Variants in ARID5B observed in about 807,000 individuals in gnomAD.
The protein encoded by ARID5B is AT-rich interaction domain 5B.
Under a neutral mutation model 97.2 loss-of-function variants are expected in ARID5B, and 13 were observed. The observed-to-expected ratio is 0.13, with a 90% CI of 0.09 to 0.21. The LOEUF (loss-of-function observed/expected upper bound fraction) is 0.21. Ranked by LOEUF, ARID5B falls within the 10% of genes least tolerant of loss-of-function variation. The pLI, the probability that ARID5B is intolerant of heterozygous loss-of-function variation, is 1.00. For synonymous variants in ARID5B, 556 were observed against 570.3 expected (o/e 0.97, Z 0.36); for missense variants, 1,210 against 1,465.3 (o/e 0.83, Z 2.84).
chr10:62,032,698 G>A (rs1839512828), intron 4 of ARID5B, among the ~76,000 whole-genome samples: 1 of 152,200 alleles, frequency 6.6e-6, no homozygotes, highest in Admixed American at 6.5e-5. Flanking sequence ...CTGGGTGACA[G>A]AGCAAGACTC....
Position 61,903,984 on chromosome 10 carries a change from CTG to C in ARID5B, c.276+1574_276+1575del, listed in dbSNP as rs1227746026. On this transcript the variant is annotated intron_variant, in intron 2 of 9. Transcript: ENST00000279873. ...TTTAAAAAGGTGTTGTTTGGAAATA[CTG>C]TGAAAAATCCTGCAACCTACCAACA... Among the ~76,000 whole-genome samples, 34 of 149,880 alleles carry C rather than the reference CTG, an allele frequency of 2.3e-4. No individual in the cohort carries two copies. In the Admixed American group the frequency reaches 2.3e-3, roughly 10 times the overall value.
rs200917027 is a variant in ARID5B, at chr10:62,069,744, C to T, written c.1146C>T (p.Gly382=). The change falls in exon 8 of 10, where the codon GGC becomes GGT. Residue 382 remains glycine, a synonymous_variant. Transcript: ENST00000279873. The stretch of plus-strand genomic sequence containing the variant: ...GGAAACATATTTATGATGAATTAGG[C>T]GGTAATCCTGGGAGCACCAGCGCTG... ...RQWKHIYDEL[G]GNPGSTSAAT... The T allele has an allele frequency of 9.2e-5, 148 of 1,614,036 alleles. 1 individual carries two copies. In the East Asian group the frequency reaches 2.9e-3, roughly 31 times the overall value.
chr10:62,054,727 A>G (rs747183884), intron 5 of ARID5B, among the ~76,000 whole-genome samples: 3 of 152,168 alleles, frequency 2.0e-5, no homozygotes, highest in Non-Finnish European at 2.9e-5. Context: ...ACCTAATAAT[A>G]TAGGTAGTTG....
intron 2 of ARID5B, among the ~76,000 whole-genome samples, chr10:61,928,129 C>A (rs898525857): frequency 1.3e-5 from 2 of 152,124 alleles, no homozygotes; most frequent in African/African-American, 4.8e-5. Context: ...GTAGAAGGGT[C>A]TTCTCTATTC....
Position 62,091,878 on chromosome 10 carries a change from A to C in ARID5B, c.2415A>C (p.Glu805Asp). ...PLADSYVLKQ[E>D]IQEGKDKLLE... ...CTGACTCCTACGTCCTGAAGCAAGA[A>C]ATTCAGGAGGGCAAGGATAAACTCT... Residue 805 changes from glutamate (E) to aspartate (D), a missense_variant, in exon 10 of 10, where the codon GAA becomes GAC. This residue lies in a region of ARID5B where 800 missense variants were observed against 839.1 expected (regional missense o/e 0.95). Coordinates refer to ENST00000279873, the MANE Select transcript of ARID5B (RefSeq NM_032199.3). 1 of 1,614,058 alleles carries C rather than the reference A, an allele frequency of 6.2e-7. No homozygotes were observed.
At chr10:61,977,974 A>T (rs1471849608) in intron 3 of ARID5B, among the ~76,000 whole-genome samples, 1 of 152,138 alleles carries the variant, frequency 6.6e-6, no homozygotes, top group Non-Finnish European at 1.5e-5. Flanking sequence ...GTTTTCTTCT[A>T]GGGTTTTTAT....
At chr10:61,906,009 A>G (rs1843701469) in intron 2 of ARID5B, among the ~76,000 whole-genome samples, 1 of 152,152 alleles carries the variant, frequency 6.6e-6, no homozygotes, top group East Asian at 1.9e-4. Flanking sequence ...GCAGCTTGCT[A>G]TTTGCTTAAT....
At chr10:61,937,295 AT>A (rs1243034019) in intron 2 of ARID5B, among the ~76,000 whole-genome samples, 1 of 151,902 alleles carries the variant, frequency 6.6e-6, no homozygotes, top group African/African-American at 2.4e-5. Flanking sequence ...AGGTCTGGGT[AT>A]TTTTGCCTAA....
rs979723324 is a variant in ARID5B at position 62,094,782 on chromosome 10, G to A, written c.*1752G>A. 1.7e-5 allele frequency: 4 copies of A among 231,522 alleles called. No individual in the cohort carries two copies. The highest frequency in any genetic ancestry group is 6.1e-5 in the East Asian group (1 of 16,378). The allele number at this position is 231,522 out of a possible 1,614,324, so 14.3% of individuals were successfully genotyped here. A position where few individuals can be genotyped will look rare whatever the true frequency, so the allele number is the denominator to read the frequency against. On this transcript the variant is annotated 3_prime_UTR_variant, in exon 10 of 10. Transcript: ENST00000279873. The stretch of plus-strand genomic sequence containing the variant: ...CTCCCCAACCCACTGTGCCCCTCCC[G>A]CAACACTACCAGTAGACTTTAGAAC...
chr10:61,914,553 G>T (rs10509164), intron 2 of ARID5B, among the ~76,000 whole-genome samples: 11 of 152,072 alleles, frequency 7.2e-5, no homozygotes, highest in Non-Finnish European at 1.6e-4. Context: ...CCGAATTCAC[G>T]CTTCCTTCTA....
chr10:61,988,998 C>T (rs1185535711), intron 3 of ARID5B, among the ~76,000 whole-genome samples: 3 of 136,556 alleles, frequency 2.2e-5, no homozygotes, highest in African/African-American at 8.3e-5. Flanking sequence ...GGTGCAATCT[C>T]GGCTCACCGC....
intron 7 of ARID5B, among the ~76,000 whole-genome samples, chr10:62,065,777 C>A (rs972840648): frequency 7.1e-6 from 1 of 141,610 alleles, no homozygotes; most frequent in Non-Finnish European, 1.5e-5. Context: ...ACCTGGAAGG[C>A]GGAGCTTGTA....
intron 2 of ARID5B, among the ~76,000 whole-genome samples, chr10:61,935,205 A>G (rs892520820): frequency 2.0e-4 from 30 of 152,264 alleles, no homozygotes; most frequent in Admixed American, 4.6e-4. Context: ...AAAATGCAAT[A>G]TCTGTGAAGT....
intron 2 of ARID5B, among the ~76,000 whole-genome samples, chr10:61,915,601 C>A (rs1294594050): frequency 1.3e-5 from 2 of 152,100 alleles, no homozygotes; most frequent in Non-Finnish European, 2.9e-5. Context: ...CTGGAGGGAC[C>A]AGTTGGTCTA....
chr10:61,936,197 C>G (rs1844296475), intron 2 of ARID5B, among the ~76,000 whole-genome samples: 2 of 152,118 alleles, frequency 1.3e-5, no homozygotes, highest in South Asian at 4.1e-4. Context: ...TTACTTAATG[C>G]CTATGTTCAA....
intron 2 of ARID5B, among the ~76,000 whole-genome samples, chr10:61,931,464 T>C (rs372718870): frequency 8.5e-5 from 13 of 152,122 alleles, no homozygotes; most frequent in Non-Finnish European, 1.5e-4. Flanking sequence ...TTCATAGATA[T>C]AATGGCAAGC....
At chr10:62,046,008 C>G (rs907169903) in intron 4 of ARID5B, among the ~76,000 whole-genome samples, 17 of 152,160 alleles carry the variant, frequency 1.1e-4, no homozygotes, top group Non-Finnish European at 2.2e-4. Context: ...TCCCCTGATT[C>G]CAGTCCCTAC....
At position 61,919,046 on chromosome 10, in the gene ARID5B, C is replaced by G. The variant is rs866649875; in HGVS notation, c.276+16633C>G. 3.1e-4 allele frequency among the ~76,000 whole-genome samples: 38 copies of G among 124,456 alleles called. 2 individuals are homozygous for G. The highest frequency in any genetic ancestry group is 9.8e-4 in the African/African-American group (33 of 33,716). The allele number at this position is 124,456 out of a possible 152,430, so 81.6% of individuals were successfully genotyped here. ...CAGAGCCTGACTCCGTCCCCCCCCCCCCCCCCAAAAAAATAAAAGGTGCGT... is the reference window on the plus strand; with the variant it reads ...CAGAGCCTGACTCCGTCCCCCCCCCGCCCCCCAAAAAAATAAAAGGTGCGT... On this transcript the variant is annotated intron_variant, in intron 2 of 9. Transcript: ENST00000279873.
At chr10:61,907,962 T>G (rs58115715) in intron 2 of ARID5B, among the ~76,000 whole-genome samples, 304 of 152,328 alleles carry the variant, frequency 2.0e-3, no homozygotes, top group African/African-American at 7.0e-3. Context: ...GATGATTGTG[T>G]ACCTATTTTT....
Sources: allele counts gnomAD v4.1 joint callset (sites outside exome capture counted in the v4.1 genomes callset), GRCh38; gene constraint gnomAD v4.1.1; regional missense constraint gnomAD v4.1.1; transcripts MANE v1.5; gene names NCBI Gene and HGNC (gene_info 2026-07-23, HGNC 2026-07-21).